TBL1X: variants seen among roughly 807,000 people sequenced by gnomAD.
The protein encoded by TBL1X is transducin beta like 1 X-linked, also known as F-box-like/WD repeat-containing protein TBL1X.
TBL1X carries 10 observed loss-of-function variants against 50.7 expected under a neutral mutation model. The ratio of observed to expected loss-of-function variants is 0.20; its 90% CI spans 0.12 to 0.33. The LOEUF is 0.33. Ranked by LOEUF, TBL1X falls within the 10% of genes least tolerant of loss-of-function variation. The probability of loss-of-function intolerance (pLI) is 1.00; values close to 1 mark genes in which losing one functional copy is unlikely to be tolerated. For missense variants in TBL1X, 340 were observed against 504.4 expected, an observed-to-expected ratio of 0.67 and a Z score of 3.12; for synonymous variants, 190 against 214.7, an observed-to-expected ratio of 0.88 and a Z score of 1.01.
chrX:9,524,368 T>A (rs1195799777), intron 2 of TBL1X, among the ~76,000 whole-genome samples: 3 of 111,931 alleles, frequency 2.7e-5, no homozygotes, highest in African/African-American at 9.8e-5. Context: ...GTCCTGAAAC[T>A]CCATACATAA....
chrX:9,615,344 G>T (rs1188179826), intron 2 of TBL1X, among the ~76,000 whole-genome samples: 1 of 111,804 alleles, frequency 8.9e-6, no homozygotes, highest in Non-Finnish European at 1.9e-5. Context: ...CTTGCCTTGT[G>T]TCTGAGTACC....
intron 2 of TBL1X, among the ~76,000 whole-genome samples, chrX:9,541,276 A>G (rs2082213044): frequency 9.2e-6 from 1 of 108,680 alleles, no homozygotes; most frequent in African/African-American, 3.4e-5. Flanking sequence ...TCGTGCTACC[A>G]GGGCTAGAGT....
intron 13 of TBL1X, among the ~76,000 whole-genome samples, chrX:9,707,102 G>A (rs1485300636): frequency 1.8e-5 from 2 of 111,649 alleles, no homozygotes; most frequent in Admixed American, 1.9e-4. Context: ...GGATATCTCT[G>A]TGGTGGGGCA....
chrX:9,643,887 C>T (rs917695960), intron 3 of TBL1X, among the ~76,000 whole-genome samples: 4 of 111,459 alleles, frequency 3.6e-5, no homozygotes, highest in Non-Finnish European at 7.5e-5. Context: ...GCTGATATAA[C>T]ACTAAGATTT....
At chrX:9,636,608 C>T (rs1802467499) in intron 2 of TBL1X, 1 of 111,241 alleles carries the variant, frequency 9.0e-6, no homozygotes, top group South Asian at 3.8e-4. Flanking sequence ...GTTCTGAAGG[C>T]TGCATCAAAA....
chrX:9,679,854 G>A (rs914015066), intron 5 of TBL1X, among the ~76,000 whole-genome samples: 4 of 112,131 alleles, frequency 3.6e-5, no homozygotes, highest in African/African-American at 9.7e-5. Flanking sequence ...GGCAACTGTG[G>A]CCTAAGAGGA....
intron 12 of TBL1X, among the ~76,000 whole-genome samples, chrX:9,703,964 C>T (rs765605485): frequency 8.9e-6 from 1 of 112,343 alleles, no homozygotes; most frequent in East Asian, 2.8e-4. Context: ...TGGCTTTTAG[C>T]GAGTGCCTTG....
intron 2 of TBL1X, among the ~76,000 whole-genome samples, chrX:9,528,125 A>G (rs2082141658): frequency 9.0e-6 from 1 of 110,814 alleles, no homozygotes; most frequent in Non-Finnish European, 1.9e-5. Flanking sequence ...CCTGGTCCCC[A>G]TGAAACAGTA....
At chrX:9,549,252 T>G (rs2082259663) in intron 2 of TBL1X, among the ~76,000 whole-genome samples, 1 of 112,507 alleles carries the variant, frequency 8.9e-6, no homozygotes, top group Non-Finnish European at 1.9e-5. Context: ...CCACGTCCAC[T>G]GTGCTCCTCA....
intron 2 of TBL1X, among the ~76,000 whole-genome samples, chrX:9,616,585 G>A (rs916122208): frequency 4.5e-5 from 5 of 111,905 alleles, no homozygotes; most frequent in Non-Finnish European, 1.9e-5. Flanking sequence ...GTGGTTTAGA[G>A]AATTGAGCTG....
chrX:9,568,598 CTGTGTGTG>C (rs200110245), intron 2 of TBL1X, among the ~76,000 whole-genome samples: 2 of 99,612 alleles, frequency 2.0e-5, no homozygotes, highest in Non-Finnish European at 4.1e-5. Flanking sequence ...GTGCAGTGTG[CTGTGTGTG>C]TGTGTGTGTG....
At chrX:9,700,451 C>T (rs1022337975) in intron 12 of TBL1X, among the ~76,000 whole-genome samples, 53 of 112,065 alleles carry the variant, frequency 4.7e-4, no homozygotes, top group African/African-American at 1.7e-3. Flanking sequence ...CCCAGGAAGA[C>T]CACAAACCAC....
chrX:9,655,705 C>T (rs532768265), intron 5 of TBL1X, among the ~76,000 whole-genome samples: 8 of 111,853 alleles, frequency 7.2e-5, no homozygotes, highest in South Asian at 3.7e-4. Context: ...TCCTAGGCCC[C>T]GTCCTCCCAG....
chrX:9,472,621 T>C (rs1179189454), intron 1 of TBL1X, among the ~76,000 whole-genome samples: 2 of 110,098 alleles, frequency 1.8e-5, no homozygotes, highest in Non-Finnish European at 3.8e-5. Flanking sequence ...CAAGACCATA[T>C]AAAATAATTT....
At chrX:9,541,864 C>T (rs1209545386) in intron 2 of TBL1X, among the ~76,000 whole-genome samples, 9 of 111,021 alleles carry the variant, frequency 8.1e-5, no homozygotes, top group Non-Finnish European at 1.1e-4. Flanking sequence ...AAGTTGACAA[C>T]GATCACAAAC....
rs115019771 is a variant in TBL1X at position 9,476,703 on chromosome X, A to G, written c.-201+11256A>G. On this transcript the variant is annotated intron_variant, in intron 1 of 17. Transcript: ENST00000645353. ...AATCTGTGAGTACACTAACCTTGAA[A>G]GAGATTATGAAAACAAACTTTAGAG... Among the ~76,000 whole-genome samples the G allele has an allele frequency of 3.5e-3, 397 of 112,126 alleles. 2 individuals are homozygous for G. The highest frequency in any genetic ancestry group is 0.012 in the African/African-American group (371 of 30,847).
At position 9,483,196 on chromosome X, in the gene TBL1X, C is replaced by T. The variant is rs192850818; in HGVS notation, c.-201+17749C>T. Among the ~76,000 whole-genome samples, 30 of 111,564 alleles carry T rather than the reference C, an allele frequency of 2.7e-4. 1 individual carries two copies. In the East Asian group the frequency reaches 4.5e-3, roughly 17 times the overall value. ...ACCCTGACTTAGAAGCTTTGCACCT[C>T]GTGGTAGCTGTAAATGAGGTATTTA... is the stretch of plus-strand genomic sequence containing the variant. On this transcript the variant is annotated intron_variant, in intron 1 of 17. Transcript: ENST00000645353.
intron 7 of TBL1X, among the ~76,000 whole-genome samples, chrX:9,690,110 C>G (rs1466946674): frequency 8.9e-6 from 1 of 112,374 alleles, no homozygotes; most frequent in African/African-American, 3.2e-5. Flanking sequence ...GTTTGATGAT[C>G]AGGCTATATT....
intron 5 of TBL1X, among the ~76,000 whole-genome samples, chrX:9,656,687 T>C (rs1330681833): frequency 1.8e-5 from 2 of 112,852 alleles, no homozygotes; most frequent in Non-Finnish European, 3.7e-5. Flanking sequence ...AGAGTTGATA[T>C]TGAAGAGAGA....
Sources: gnomAD v4.1 joint callset for allele counts (sites outside exome capture counted in the v4.1 genomes callset) on GRCh38, gnomAD v4.1.1 for gene constraint, MANE v1.5 for transcripts, NCBI Gene and HGNC (gene_info 2026-07-23, HGNC 2026-07-21) for gene names.